The following DDX10 variants were observed in gnomAD, a reference collection of about 807,000 sequenced individuals.
DDX10 encodes the protein probable ATP-dependent RNA helicase DDX10.
DDX10 carries 74 observed loss-of-function variants against 104.3 expected under a neutral mutation model. The ratio of observed to expected loss-of-function variants is 0.71; its 90% CI spans 0.59 to 0.86. DDX10 has a LOEUF of 0.86. DDX10 is among the 40% of genes least tolerant of loss of function. The pLI, the probability that DDX10 is intolerant of heterozygous loss-of-function variation, is 0.00. For missense variants in DDX10, 952 were observed against 1,040.0 expected, an observed-to-expected ratio of 0.92 and a Z score of 1.16; for synonymous variants, 351 against 353.4, an observed-to-expected ratio of 0.99 and a Z score of 0.08.
At chr11:108,740,926 T>C (rs964293651) in intron 13 of DDX10, among the ~76,000 whole-genome samples, 1 of 152,194 alleles carries the variant, frequency 6.6e-6, no homozygotes, top group Admixed American at 6.5e-5. Context: ...CCAGGGTTTT[T>C]ATAGTTTCAG....
intron 13 of DDX10, among the ~76,000 whole-genome samples, chr11:108,806,469 T>C (rs1279219283): frequency 1.3e-5 from 2 of 152,206 alleles, no homozygotes; most frequent in Admixed American, 6.5e-5. Flanking sequence ...GCTTTTATTA[T>C]GTGCCAGACC....
At chr11:108,872,060 A>C (rs1322914140) in intron 16 of DDX10, among the ~76,000 whole-genome samples, 6 of 152,362 alleles carry the variant, frequency 3.9e-5, no homozygotes, top group South Asian at 2.1e-4. Flanking sequence ...CAAAAATGAC[A>C]TTCATTGCGA....
chr11:108,744,452 T>C (rs935411756), intron 13 of DDX10, among the ~76,000 whole-genome samples: 1 of 152,212 alleles, frequency 6.6e-6, no homozygotes, highest in Admixed American at 6.5e-5. Context: ...GGGACTCATT[T>C]ATTCTTCCAG....
At chr11:108,793,956 C>G (rs988246106) in intron 13 of DDX10, among the ~76,000 whole-genome samples, 3 of 151,864 alleles carry the variant, frequency 2.0e-5, no homozygotes, top group Non-Finnish European at 4.4e-5. Flanking sequence ...GTTTATGCCA[C>G]TTAACATAAT....
At chr11:108,837,362 G>A (rs558941299) in intron 13 of DDX10, among the ~76,000 whole-genome samples, 2 of 152,270 alleles carry the variant, frequency 1.3e-5, no homozygotes, top group South Asian at 2.1e-4. Context: ...AATACTAGCT[G>A]TAATTTGAGG....
chr11:108,783,115 G>A (rs926534605), intron 13 of DDX10, among the ~76,000 whole-genome samples: 1 of 152,124 alleles, frequency 6.6e-6, no homozygotes, highest in African/African-American at 2.4e-5. Context: ...ATGTATAGGT[G>A]TCTATTACTG....
intron 1 of DDX10, among the ~76,000 whole-genome samples, chr11:108,668,274 A>G (rs548319939): frequency 3.9e-5 from 6 of 152,328 alleles, no homozygotes; most frequent in African/African-American, 1.4e-4. Flanking sequence ...TAAGAAGTGA[A>G]AAAGGAGTTC....
rs182559473 is a variant in DDX10, at chr11:108,712,823, A to G, written c.1323-3056A>G. Reference sequence around the variant, plus strand: ...CACTTACGTTTTTTTTTTTCTCTCTAAAGAACTTTTAAACATATTTTGCAA... The same window carrying G: ...CACTTACGTTTTTTTTTTTCTCTCTGAAGAACTTTTAAACATATTTTGCAA... On this transcript the variant is annotated intron_variant, in intron 10 of 17. Coordinates refer to ENST00000322536, the MANE Select transcript of DDX10 (RefSeq NM_004398.4). 3.3e-5 allele frequency among the ~76,000 whole-genome samples: 5 copies of G among 151,062 alleles called. No homozygotes were observed. The East Asian group carries it at 9.8e-4, about 29-fold the overall frequency.
chr11:108,897,632 G>A lies in DDX10; in HGVS notation c.2305-20241G>A, dbSNP rs569843577. Among the ~76,000 whole-genome samples, 22 of 152,042 alleles carry A rather than the reference G, an allele frequency of 1.4e-4. 1 individual carries two copies. The highest frequency in any genetic ancestry group is 3.4e-3 in the Middle Eastern group (1 of 294). On this transcript the variant is annotated intron_variant, in intron 16 of 17. Coordinates refer to ENST00000322536, the MANE Select transcript of DDX10 (RefSeq NM_004398.4). ...TTTGCAAATCCCGCAGGGGACCCGA[G>A]GCAGGTAGTTTGAACGTACAAAGGA...
At chr11:108,675,906 C>G (rs771320200) in intron 3 of DDX10, 180 bp downstream of exon 3, 1 of 683,628 alleles carries the variant, frequency 1.5e-6, no homozygotes, top group African/African-American at 1.8e-5. Context: ...TCCCCAGGTT[C>G]TAGCACAGTG....
chr11:108,771,503 T>C (rs1020188123), intron 13 of DDX10, among the ~76,000 whole-genome samples: 5 of 151,954 alleles, frequency 3.3e-5, no homozygotes, highest in African/African-American at 1.2e-4. Flanking sequence ...TGCCACCACG[T>C]CCAGCTAATT....
In DDX10 at chr11:108,723,350, AAGTTCCTACAC is replaced by A; in HGVS notation, c.1859_1869del (p.Pro620LeufsTer5). 3 of 1,613,982 alleles carry A rather than the reference AAGTTCCTACAC, an allele frequency of 1.9e-6. No individual in the cohort carries two copies. Among genetic ancestry groups the A allele is most frequent in the Non-Finnish European group, 2.5e-6 (3 of 1,179,934 alleles). On this transcript the variant is annotated frameshift_variant, in exon 13 of 18. Coordinates refer to ENST00000322536, the MANE Select transcript of DDX10 (RefSeq NM_004398.4). LOFTEE classifies it high-confidence loss of function. The stretch of plus-strand genomic sequence containing the variant: ...ACCAGTGAGGCACAGAAGATCAAGG[AAGTTCCTACAC>A]AGTTCTTGGACAGAGATGAGGAGGA...
At position 108,902,911 on chromosome 11, in the gene DDX10, A is replaced by AT. The variant is rs1194543939; in HGVS notation, c.2305-14955dup. ...ACATTAAAAATCAAAATAACCTTAA[A>AT]TTTTTTTATTTTTTAAATAGTGATA... is the stretch of plus-strand genomic sequence containing the variant. On this transcript the variant is annotated intron_variant, in intron 16 of 17. Transcript: ENST00000322536. Among the ~76,000 whole-genome samples, 3 of 152,164 alleles carry AT rather than the reference A, an allele frequency of 2.0e-5. No homozygotes were observed. The South Asian group carries it at 6.2e-4, about 32-fold the overall frequency.
At chr11:108,861,031 C>T (rs1862934674) in intron 16 of DDX10, 1 of 151,380 alleles carries the variant, frequency 6.6e-6, no homozygotes, top group African/African-American at 2.4e-5. Flanking sequence ...AAGTATTGAT[C>T]CTGGGTGTGT....
intron 13 of DDX10, among the ~76,000 whole-genome samples, chr11:108,741,825 C>G (rs2094325600): frequency 6.6e-6 from 1 of 152,086 alleles, no homozygotes; most frequent in Non-Finnish European, 1.5e-5. Context: ...GCCAGGACTT[C>G]AAAGAGCTAG....
chr11:108,882,623 C>T (rs1441481040), intron 16 of DDX10, among the ~76,000 whole-genome samples: 1 of 151,894 alleles, frequency 6.6e-6, no homozygotes, highest in Admixed American at 6.6e-5. Context: ...GAAACATGCT[C>T]TTAAGTTGTT....
intron 13 of DDX10, among the ~76,000 whole-genome samples, chr11:108,749,300 T>A (rs1565266854): frequency 6.6e-6 from 1 of 152,112 alleles, no homozygotes; most frequent in Non-Finnish European, 1.5e-5. Context: ...AGGGATTTGG[T>A]TCAGGGTACT....
chr11:108,887,640 T>C (rs1229312274), intron 16 of DDX10, among the ~76,000 whole-genome samples: 2 of 150,740 alleles, frequency 1.3e-5, no homozygotes, highest in Admixed American at 1.3e-4. Flanking sequence ...TTTGGCCAGA[T>C]GCAGTGGCTC....
intron 2 of DDX10, among the ~76,000 whole-genome samples, chr11:108,675,295 TG>T (rs1698421489): frequency 6.6e-6 from 1 of 152,192 alleles, no homozygotes; most frequent in Non-Finnish European, 1.5e-5. Context: ...GTGGAGTAGG[TG>T]GATCACAGAA....
Sources: gnomAD v4.1 joint callset for allele counts (sites outside exome capture counted in the v4.1 genomes callset) on GRCh38, gnomAD v4.1.1 for gene constraint, MANE v1.5 for transcripts, NCBI Gene and HGNC (gene_info 2026-07-23, HGNC 2026-07-21) for gene names.